SLC16A7: variants seen among roughly 807,000 people sequenced by gnomAD.
SLC16A7 encodes solute carrier family 16 member 7.
In SLC16A7, 33 loss-of-function variants were observed where a neutral mutation model predicts 34.9. The ratio of observed to expected loss-of-function variants is 0.94; its 90% CI spans 0.72 to 1.26. The LOEUF is 1.26. SLC16A7 is among the 50% of genes most tolerant of loss of function. SLC16A7 has a pLI of 0.00. For synonymous variants in SLC16A7, 201 were observed against 206.6 expected, an observed-to-expected ratio of 0.97 and a Z score of 0.23; for missense variants, 573 against 578.1, an observed-to-expected ratio of 0.99 and a Z score of 0.09.
At position 59,789,051 on chromosome 12, in the gene SLC16A7, T is replaced by C. The variant is rs1883815139; in HGVS notation, c.*9372T>C. 2.0e-5 allele frequency: 3 copies of C among 152,116 alleles called. No individual in the cohort carries two copies. Among genetic ancestry groups the C allele is most frequent in the Admixed American group, 1.3e-4 (2 of 15,272 alleles). 9.4% of individuals were successfully genotyped at this position (152,116 alleles called of 1,614,324 possible). ...CAAATGTTGAATTTCTCTGTGAGGGTACTTATTTTGCCTACAGTTTCAAAT... is the reference window on the plus strand; with the variant it reads ...CAAATGTTGAATTTCTCTGTGAGGGCACTTATTTTGCCTACAGTTTCAAAT... On this transcript the variant is annotated 3_prime_UTR_variant, in exon 6 of 6. Transcript: ENST00000547379.
intron 1 of SLC16A7, among the ~76,000 whole-genome samples, chr12:59,645,455 C>G (rs1188353346): frequency 6.6e-6 from 1 of 152,014 alleles, no homozygotes; most frequent in Non-Finnish European, 1.5e-5. Context: ...GGGGCTTTCC[C>G]CTTTGCTTGT....
At chr12:59,638,003 G>A (rs1880510876) in intron 1 of SLC16A7, among the ~76,000 whole-genome samples, 2 of 152,108 alleles carry the variant, frequency 1.3e-5, no homozygotes, top group African/African-American at 4.8e-5. Flanking sequence ...TTCCAGAACT[G>A]TGAGCCAGAT....
chr12:59,762,549 T>A (rs981677029), intron 3 of SLC16A7, among the ~76,000 whole-genome samples: 3 of 152,172 alleles, frequency 2.0e-5, no homozygotes, highest in Non-Finnish European at 4.4e-5. Context: ...TTCCCAGAAC[T>A]AAAAAAGGTC....
chr12:59,734,107 G>T, intron 3 of SLC16A7: 1 of 233,714 alleles, frequency 4.3e-6, no homozygotes, highest in South Asian at 4.9e-5. Context: ...GATTAAAGGT[G>T]GGGTTTCACC....
chr12:59,644,863 C>G (rs562754609), intron 1 of SLC16A7, among the ~76,000 whole-genome samples: 1 of 152,132 alleles, frequency 6.6e-6, no homozygotes, highest in Non-Finnish European at 1.5e-5. Flanking sequence ...AGGTTTAAGA[C>G]TCTTATTTGT....
At chr12:59,618,344 TTCTA>T (rs910226923) in intron 1 of SLC16A7, among the ~76,000 whole-genome samples, 11 of 152,004 alleles carry the variant, frequency 7.2e-5, no homozygotes, top group African/African-American at 2.7e-4. Flanking sequence ...GTAATACTTT[TTCTA>T]TCTATGTTTC....
At chr12:59,761,091 A>T in intron 3 of SLC16A7, 4 of 998,374 alleles carry the variant, frequency 4.0e-6, no homozygotes, top group Non-Finnish European at 5.5e-6. Flanking sequence ...TATTTAATTG[A>T]AGAAGTTACT....
intron 1 of SLC16A7, among the ~76,000 whole-genome samples, chr12:59,625,589 A>G (rs1879890703): frequency 1.3e-5 from 2 of 151,796 alleles, no homozygotes; most frequent in South Asian, 2.1e-4. Flanking sequence ...TACCTACCAC[A>G]TAGTTGTAGT....
intron 2 of SLC16A7, among the ~76,000 whole-genome samples, chr12:59,660,654 T>C (rs577034985): frequency 3.0e-4 from 45 of 152,012 alleles, no homozygotes; most frequent in Admixed American, 2.8e-3. Context: ...AAGGCTGCAG[T>C]GAGCTTTGAT....
chr12:59,713,399 C>T (rs764320947), intron 3 of SLC16A7, among the ~76,000 whole-genome samples: 4 of 152,156 alleles, frequency 2.6e-5, no homozygotes, highest in Admixed American at 2.6e-4. Flanking sequence ...GAAGAATTTA[C>T]CGCAGTTCTT....
intron 1 of SLC16A7, among the ~76,000 whole-genome samples, chr12:59,654,197 T>C (rs989731254): frequency 5.9e-4 from 89 of 151,338 alleles, no homozygotes; most frequent in Non-Finnish European, 1.6e-4. Flanking sequence ...ATAATCTGTA[T>C]CTAAAGGAGT....
At chr12:59,657,239 T>A (rs961877871) in intron 2 of SLC16A7, among the ~76,000 whole-genome samples, 3 of 152,036 alleles carry the variant, frequency 2.0e-5, no homozygotes, top group Non-Finnish European at 2.9e-5. Context: ...TTTTGTAATT[T>A]GTAATTTTAC....
chr12:59,646,809 G>A (rs1296134641), intron 1 of SLC16A7, among the ~76,000 whole-genome samples: 3 of 152,158 alleles, frequency 2.0e-5, no homozygotes, highest in Non-Finnish European at 4.4e-5. Flanking sequence ...AAGGCCATGG[G>A]AGCTCACTTC....
intron 3 of SLC16A7, among the ~76,000 whole-genome samples, chr12:59,714,329 A>G (rs1874619363): frequency 6.6e-6 from 1 of 152,218 alleles, no homozygotes; most frequent in South Asian, 2.1e-4. Context: ...CTATGCTACC[A>G]TGTTAGTCTG....
At chr12:59,752,716 C>A (rs1164973933) in intron 3 of SLC16A7, among the ~76,000 whole-genome samples, 1 of 152,128 alleles carries the variant, frequency 6.6e-6, no homozygotes, top group Admixed American at 6.5e-5. Flanking sequence ...CCCAATCTAG[C>A]AAGGCAGGCC....
intron 2 of SLC16A7, among the ~76,000 whole-genome samples, chr12:59,691,610 T>A (rs1871662617): frequency 6.6e-6 from 1 of 152,006 alleles, no homozygotes; most frequent in Non-Finnish European, 1.5e-5. Context: ...CTGAGCTAGT[T>A]TTCTTTTCTC....
At chr12:59,718,244 T>C (rs1295242719) in intron 3 of SLC16A7, among the ~76,000 whole-genome samples, 1 of 152,194 alleles carries the variant, frequency 6.6e-6, no homozygotes, top group Non-Finnish European at 1.5e-5. Context: ...ATCTTGTTTA[T>C]TTATTCCTTT....
intron 3 of SLC16A7, among the ~76,000 whole-genome samples, chr12:59,750,380 C>T (rs1311330441): frequency 6.6e-6 from 1 of 151,920 alleles, no homozygotes; most frequent in Non-Finnish European, 1.5e-5. Context: ...AAAAAAACAA[C>T]CCCATCAAAA....
At chr12:59,711,747 T>TC (rs1874249812) in intron 3 of SLC16A7, among the ~76,000 whole-genome samples, 1 of 152,134 alleles carries the variant, frequency 6.6e-6, no homozygotes, top group Non-Finnish European at 1.5e-5. Context: ...CAAGCCATAC[T>TC]CCCACCTTGG....
Sources: allele counts gnomAD v4.1 joint callset (sites outside exome capture counted in the v4.1 genomes callset), GRCh38; gene constraint gnomAD v4.1.1; transcripts MANE v1.5; gene names NCBI Gene and HGNC (gene_info 2026-07-23, HGNC 2026-07-21).